The following SORCS3 variants were observed in gnomAD, a reference collection of about 807,000 sequenced individuals.
The protein encoded by SORCS3 is sortilin related VPS10 domain containing receptor 3.
SORCS3 carries 57 observed loss-of-function variants against 146.3 expected under a neutral mutation model. That is an observed-to-expected ratio of 0.39 (90% CI 0.31 to 0.49). SORCS3 has a LOEUF of 0.49. SORCS3 is among the 20% of genes least tolerant of loss of function. The pLI, the probability that SORCS3 is intolerant of heterozygous loss-of-function variation, is 0.92. For missense variants in SORCS3, 1,341 were observed against 1,575.5 expected, an observed-to-expected ratio of 0.85 and a Z score of 2.52; for synonymous variants, 653 against 618.5, an observed-to-expected ratio of 1.06 and a Z score of -0.83.
At chr10:104,911,872 A>T (rs2018972643) in intron 2 of SORCS3, among the ~76,000 whole-genome samples, 1 of 152,202 alleles carries the variant, frequency 6.6e-6, no homozygotes, top group South Asian at 2.1e-4. Flanking sequence ...TCTGTTGCTA[A>T]TGAAAGTCCT....
intron 1 of SORCS3, among the ~76,000 whole-genome samples, chr10:104,695,982 T>C (rs897618021): frequency 2.9e-5 from 4 of 137,090 alleles, no homozygotes; most frequent in Non-Finnish European, 6.1e-5. Context: ...ATATATAATA[T>C]GTATTATATA....
intron 1 of SORCS3, among the ~76,000 whole-genome samples, chr10:104,777,924 TC>T (rs1182008123): frequency 6.6e-6 from 1 of 152,080 alleles, no homozygotes; most frequent in Non-Finnish European, 1.5e-5. Flanking sequence ...AGATTATATC[TC>T]ATAGAGGTAG....
At chr10:105,254,865 A>G (rs1400276940) in intron 23 of SORCS3, among the ~76,000 whole-genome samples, 4 of 152,122 alleles carry the variant, frequency 2.6e-5, no homozygotes, top group Non-Finnish European at 5.9e-5. Context: ...TGTATTTTCC[A>G]TCCACATTTT....
chr10:104,999,298 G>A (rs1323622663), intron 4 of SORCS3, among the ~76,000 whole-genome samples: 2 of 152,048 alleles, frequency 1.3e-5, no homozygotes, highest in South Asian at 4.1e-4. Context: ...CCCTGAAAAC[G>A]TTTGTATATT....
In SORCS3 at chr10:105,054,155, C is replaced by A. The variant is rs1333412596; in HGVS notation, c.1028+11027C>A. 2.0e-5 allele frequency among the ~76,000 whole-genome samples: 3 copies of A among 152,016 alleles called. No individual in the cohort carries two copies. The East Asian group carries it at 5.8e-4, about 29-fold the overall frequency. ...TGACCATCTGTTTTTGTTTCTTCTT[C>A]ATTATGGGTTCTTTATATTGTCTCT... is the stretch of plus-strand genomic sequence containing the variant. On this transcript the variant is annotated intron_variant, in intron 5 of 26. Coordinates refer to ENST00000369701, the MANE Select transcript of SORCS3 (RefSeq NM_014978.3).
At chr10:105,035,993 C>T (rs1365119875) in intron 4 of SORCS3, among the ~76,000 whole-genome samples, 1 of 152,056 alleles carries the variant, frequency 6.6e-6, no homozygotes, top group African/African-American at 2.4e-5. Context: ...GTCTCTTTCC[C>T]TTCTACTTGA....
chr10:104,851,307 A>G (rs1380586778), intron 2 of SORCS3, among the ~76,000 whole-genome samples: 1 of 152,206 alleles, frequency 6.6e-6, no homozygotes, highest in Non-Finnish European at 1.5e-5. Flanking sequence ...GGCTGAGAGA[A>G]TGTAACACTT....
chr10:105,141,816 G>C (rs1487868097), intron 8 of SORCS3, among the ~76,000 whole-genome samples: 1 of 152,190 alleles, frequency 6.6e-6, no homozygotes, highest in Admixed American at 6.5e-5. Flanking sequence ...AAAGACAGGT[G>C]AGCTTATGAG....
intron 7 of SORCS3, among the ~76,000 whole-genome samples, chr10:105,122,717 G>T (rs1034088878): frequency 6.6e-6 from 1 of 152,150 alleles, no homozygotes; most frequent in South Asian, 2.1e-4. Context: ...TTAAGAAATT[G>T]CTAGACTCTC....
intron 1 of SORCS3, among the ~76,000 whole-genome samples, chr10:104,669,270 C>G (rs1236549708): frequency 6.6e-6 from 1 of 152,162 alleles, no homozygotes; most frequent in Non-Finnish European, 1.5e-5. Flanking sequence ...ACCATCTTAA[C>G]CATTTTAAAG....
At chr10:104,981,133 G>A (rs1397474024) in intron 4 of SORCS3, among the ~76,000 whole-genome samples, 1 of 152,060 alleles carries the variant, frequency 6.6e-6, no homozygotes. Context: ...CTGATTTCTG[G>A]TCAGCTTAAT....
chr10:105,026,088 T>C (rs2055227915), intron 4 of SORCS3, among the ~76,000 whole-genome samples: 1 of 152,102 alleles, frequency 6.6e-6, no homozygotes, highest in African/African-American at 2.4e-5. Context: ...AGTTCTCCTA[T>C]CCTCCTCCAC....
chr10:105,138,416 A>T (rs1252326776), intron 7 of SORCS3, among the ~76,000 whole-genome samples: 3 of 152,202 alleles, frequency 2.0e-5, no homozygotes, highest in Non-Finnish European at 2.9e-5. Flanking sequence ...TTTGGATCAG[A>T]CTGGGAGGAC....
At chr10:104,968,235 C>T (rs1292849028) in intron 3 of SORCS3, among the ~76,000 whole-genome samples, 2 of 152,206 alleles carry the variant, frequency 1.3e-5, no homozygotes, top group Non-Finnish European at 2.9e-5. Flanking sequence ...CCTGTCTCAG[C>T]CTCCTGAATA....
chr10:104,812,045 T>C (rs1564689438), intron 1 of SORCS3, among the ~76,000 whole-genome samples: 1 of 151,946 alleles, frequency 6.6e-6, no homozygotes. Flanking sequence ...AATGAATAAA[T>C]GGAAATGCCA....
intron 5 of SORCS3, among the ~76,000 whole-genome samples, chr10:105,065,468 G>A (rs938003682): frequency 6.6e-6 from 1 of 151,772 alleles, no homozygotes; most frequent in Non-Finnish European, 1.5e-5. Flanking sequence ...AACTGCACAC[G>A]ACGACCTCTG....
intron 5 of SORCS3, among the ~76,000 whole-genome samples, chr10:105,063,240 G>A (rs1403089264): frequency 1.3e-5 from 2 of 152,160 alleles, no homozygotes; most frequent in Non-Finnish European, 2.9e-5. Flanking sequence ...GCTGCTCTCA[G>A]GAAACCAGCA....
intron 1 of SORCS3, among the ~76,000 whole-genome samples, chr10:104,643,923 G>T (rs1344851479): frequency 6.6e-6 from 1 of 152,240 alleles, no homozygotes; most frequent in East Asian, 1.9e-4. Context: ...TTATTTTAAG[G>T]ATTATTTTTG....
At chr10:104,834,698 A>ATTT (rs149897704) in intron 1 of SORCS3, among the ~76,000 whole-genome samples, 1,804 of 136,898 alleles carry the variant, frequency 0.013, 25 homozygotes, top group African/African-American at 0.039. Flanking sequence ...TTTGTTACCT[A>ATTT]TTTTTTTTTT....
Sources: allele counts gnomAD v4.1 joint callset (sites outside exome capture counted in the v4.1 genomes callset), GRCh38; gene constraint gnomAD v4.1.1; transcripts MANE v1.5; gene names NCBI Gene and HGNC (gene_info 2026-07-23, HGNC 2026-07-21).